The following MYLK variants were observed in gnomAD, a reference collection of about 807,000 sequenced individuals.
MYLK encodes myosin light chain kinase, smooth muscle.
Under a neutral mutation model 203.4 loss-of-function variants are expected in MYLK, and 106 were observed. The observed-to-expected ratio is 0.52, with a 90% CI of 0.45 to 0.61. MYLK has a LOEUF of 0.61. MYLK is among the 20% of genes least tolerant of loss of function. The pLI is 0.00. For missense variants in MYLK, 2,072 were observed against 2,442.3 expected, an observed-to-expected ratio of 0.85 and a Z score of 3.20; for synonymous variants, 867 against 959.5, an observed-to-expected ratio of 0.90 and a Z score of 1.78.
At position 123,648,844 on chromosome 3, in the gene MYLK, C is replaced by CAA; in HGVS notation, c.4415+126_4415+127insTT. 2 of 804,390 alleles carry CAA rather than the reference C, an allele frequency of 2.5e-6. No homozygotes were observed. Among genetic ancestry groups the CAA allele is most frequent in the African/African-American group, 1.7e-5 (1 of 59,790 alleles). The allele number at this position is 804,390 out of a possible 1,614,324, so 49.8% of individuals were successfully genotyped here. ...TCGTGGGTCAGTCCTTTGGATCCTG[C>CAA]AGGACTCTCAGTCTGGGGAGGAGGC... On this transcript the variant is annotated intron_variant, in intron 26 of 33. Transcript: ENST00000360304. The surrounding 1 kb of genome is among the most constrained non-coding windows in gnomAD (Gnocchi z 4.5).
rs764917874 is a variant in MYLK at position 123,712,444 on chromosome 3, C to T, written c.1805-2551G>A. ...GATGGGCTCAAATTCCTAGATGCTACGGGAACGTCACCAACTCCAGCGCAC... is the reference window on the plus strand; with the variant it reads ...GATGGGCTCAAATTCCTAGATGCTATGGGAACGTCACCAACTCCAGCGCAC... On this transcript the variant is annotated intron_variant, in intron 13 of 33. Coordinates refer to ENST00000360304, the MANE Select transcript of MYLK (RefSeq NM_053025.4). Among the ~76,000 whole-genome samples the T allele has an allele frequency of 5.3e-5, 8 of 152,340 alleles. No individual in the cohort carries two copies. In the East Asian group the frequency reaches 9.6e-4, roughly 18 times the overall value.
chr3:123,620,007 G>A (rs113592408), intron 32 of MYLK, among the ~76,000 whole-genome samples, 200 bp downstream of exon 32: 284 of 151,888 alleles, frequency 1.9e-3, no homozygotes, highest in Admixed American at 3.7e-3. Context: ...TCCGAAAATG[G>A]TTAAGCTTAA....
intron 4 of MYLK, among the ~76,000 whole-genome samples, chr3:123,776,366 G>C (rs2064078505): frequency 6.6e-6 from 1 of 152,202 alleles, no homozygotes; most frequent in Non-Finnish European, 1.5e-5. Flanking sequence ...AAGCCTCTTG[G>C]AAAGTACTTG....
At chr3:123,850,442 G>A (rs1206215573) in intron 2 of MYLK, among the ~76,000 whole-genome samples, 1 of 152,162 alleles carries the variant, frequency 6.6e-6, no homozygotes, top group African/African-American at 2.4e-5. Context: ...CATTCTAACT[G>A]GTGTGAGATG....
chr3:123,614,058 A>G lies in MYLK; in HGVS notation c.*47T>C, dbSNP rs2057327439. 9 of 1,599,050 alleles carry G rather than the reference A, an allele frequency of 5.6e-6. No individual in the cohort carries two copies. The highest frequency in any genetic ancestry group is 7.7e-6 in the Non-Finnish European group (9 of 1,172,482). On this transcript the variant is annotated 3_prime_UTR_variant, in exon 34 of 34. Transcript: ENST00000360304. Reference sequence around the variant, plus strand: ...TTTTTTTTTTTTGAGTTTTAGAGAAATAGTCCTTTTAATATGACTTAGAAA... The same window carrying G: ...TTTTTTTTTTTTGAGTTTTAGAGAAGTAGTCCTTTTAATATGACTTAGAAA...
intron 5 of MYLK, among the ~76,000 whole-genome samples, chr3:123,745,080 CT>C (rs1478018655): frequency 6.6e-6 from 1 of 151,972 alleles, no homozygotes; most frequent in African/African-American, 2.4e-5. Flanking sequence ...AGCTTCATTC[CT>C]TTTAATCTTC....
chr3:123,648,825 G>T lies in MYLK; in HGVS notation c.4415+146C>A. ...GGGTGAGTGAGTGATGCTTTCGTGG[G>T]TCAGTCCTTTGGATCCTGCAGGACT... On this transcript the variant is annotated intron_variant, in intron 26 of 33. Coordinates refer to ENST00000360304, the MANE Select transcript of MYLK (RefSeq NM_053025.4). This position sits in a 1 kb window ranked among gnomAD's most constrained non-coding sequence, Gnocchi z 4.5. 1.3e-6 allele frequency: 1 copy of T among 741,542 alleles called. No individual in the cohort carries two copies. Among genetic ancestry groups the T allele is most frequent in the Non-Finnish European group, 2.4e-6 (1 of 420,796 alleles). 45.9% of individuals were successfully genotyped at this position (741,542 alleles called of 1,614,324 possible). A position where few individuals can be genotyped will look rare whatever the true frequency, so the allele number is the denominator to read the frequency against.
intron 23 of MYLK, 97 bp downstream of exon 23, chr3:123,664,008 T>C: frequency 1.3e-6 from 2 of 1,536,208 alleles, no homozygotes; most frequent in Non-Finnish European, 1.8e-6. Context: ...TGGTGAGAGA[T>C]AATGGGTGAT....
intron 18 of MYLK, among the ~76,000 whole-genome samples, chr3:123,699,208 C>T (rs2061066084): frequency 6.6e-6 from 1 of 152,098 alleles, no homozygotes; most frequent in African/African-American, 2.4e-5. Context: ...AAAAGCACTT[C>T]AAACCAAATT....
In MYLK at chr3:123,667,205, A is replaced by C; in HGVS notation, c.3653-18T>G. ...CGCATCACCTGAAACAAAGAAGTTCACAAGTTATTTCCTGTAGTTCTGTTT... is the reference window on the plus strand; with the variant it reads ...CGCATCACCTGAAACAAAGAAGTTCCCAAGTTATTTCCTGTAGTTCTGTTT... On this transcript the variant is annotated intron_variant, in intron 20 of 33. Coordinates refer to ENST00000360304, the MANE Select transcript of MYLK (RefSeq NM_053025.4). 6.2e-7 allele frequency: 1 copy of C among 1,613,754 alleles called. No homozygotes were observed. The highest frequency in any genetic ancestry group is 8.5e-7 in the Non-Finnish European group (1 of 1,179,636).
Position 123,700,752 on chromosome 3 carries a change from T to G in MYLK, c.2716A>C (p.Ser906Arg). 6.2e-7 allele frequency: 1 copy of G among 1,614,234 alleles called. No individual in the cohort carries two copies. The highest frequency in any genetic ancestry group is 8.5e-7 in the Non-Finnish European group (1 of 1,180,040). Residue 906 changes from serine (S) to arginine (R), a missense_variant, in exon 18 of 34, where the codon AGT (serine) becomes CGT (arginine). This residue lies in a region of MYLK where 865 missense variants were observed against 1,016.0 expected (regional missense o/e 0.85). Coordinates refer to ENST00000360304, the MANE Select transcript of MYLK (RefSeq NM_053025.4). ...DFRDLLGKKV[S>R]TKTLSEDDLK... ...TCGTCTTCCGATAGGGTCTTTGTACTCACCTTCTTCCCCAGGAGGTCTCGG... is the reference window on the plus strand; with the variant it reads ...TCGTCTTCCGATAGGGTCTTTGTACGCACCTTCTTCCCCAGGAGGTCTCGG...
chr3:123,842,252 CA>C lies in MYLK; in HGVS notation c.-126-10583del, dbSNP rs565174313. 9.3e-4 allele frequency among the ~76,000 whole-genome samples: 141 copies of C among 151,886 alleles called. 1 individual carries two copies. The highest frequency in any genetic ancestry group is 7.1e-3 in the South Asian group (34 of 4,812). ...TTGGAATAAGTAAATTAATATCAGACAAAAGACTTTAATATAATTAATCAGA... is the reference window on the plus strand; with the variant it reads ...TTGGAATAAGTAAATTAATATCAGACAAAGACTTTAATATAATTAATCAGA... On this transcript the variant is annotated intron_variant, in intron 2 of 33. Transcript: ENST00000360304.
intron 3 of MYLK, among the ~76,000 whole-genome samples, chr3:123,805,189 A>G (rs6797095): frequency 0.45 from 68,553 of 152,044 alleles, 18,789 homozygotes; most frequent in Non-Finnish European, 0.64. Context: ...TGACACAGCA[A>G]AGGAGAATGA....
At chr3:123,664,291 C>G in intron 22 of MYLK, 33 bp from the exon 23 acceptor site, 1 of 1,614,078 alleles carries the variant, frequency 6.2e-7, no homozygotes, top group Non-Finnish European at 8.5e-7. Context: ...GTGCTGGAGC[C>G]TTGGGCCCCT....
At chr3:123,702,380 C>G (rs756978314) in intron 16 of MYLK, among the ~76,000 whole-genome samples, 7 of 152,230 alleles carry the variant, frequency 4.6e-5, no homozygotes, top group African/African-American at 1.7e-4. Flanking sequence ...TTTCATACAG[C>G]ACCCTCCAGC....
In MYLK at chr3:123,629,298, C is replaced by CA. The variant is rs568955778; in HGVS notation, c.5114+175dup. ...GGCAGGGCCTAGGAAGTCGCCTCCC[C>CA]AACCCACATGCATTCGGGTCTCTTA... On this transcript the variant is annotated intron_variant, in intron 30 of 33. Transcript: ENST00000360304. This position sits in a 1 kb window ranked among gnomAD's most constrained non-coding sequence, Gnocchi z 4.4. Among the ~76,000 whole-genome samples the CA allele has an allele frequency of 7.2e-5, 11 of 152,258 alleles. No homozygotes were observed. The highest frequency in any genetic ancestry group is 2.2e-4 in the African/African-American group (9 of 41,560).
chr3:123,739,006 G>C lies in MYLK; in HGVS notation c.479C>G (p.Pro160Arg), dbSNP rs111256888. The change falls in exon 7 of 34, where the codon CCA (proline) becomes CGA (arginine). Residue 160 changes from proline to arginine, a missense_variant. By Grantham distance (103) the Pro-to-Arg change is moderately radical. Around this residue, in one of 3 missense-constraint regions of MYLK, gnomAD observed 683 missense variants for 643.8 expected, o/e 1.06. Coordinates refer to ENST00000360304, the MANE Select transcript of MYLK (RefSeq NM_053025.4). ...ETRPSIWGEC[P>R]PKFATKLGRV... ...GCCCAGCTTGGTAGCAAACTTTGGT[G>C]GGCACTCCCCCCAGATGCTAGGACG... The C allele has an allele frequency of 7.4e-4, 1,195 of 1,613,754 alleles. 19 individuals carry two copies. In the African/African-American group the frequency reaches 0.014, roughly 20 times the overall value.
Position 123,709,695 on chromosome 3 carries a change from T to A in MYLK, c.1942+61A>T. 3 of 1,607,488 alleles carry A rather than the reference T, an allele frequency of 1.9e-6. No individual in the cohort carries two copies. In the East Asian group the frequency reaches 6.7e-5, roughly 36 times the overall value. ...ATCTGAGCGGGTCCTCGGAGAGCAA[T>A]ACCCATTGCAACCAAGACCATTTTC... On this transcript the variant is annotated intron_variant, in intron 14 of 33. Coordinates refer to ENST00000360304, the MANE Select transcript of MYLK (RefSeq NM_053025.4).
At chr3:123,876,825 C>G (rs762555048) in intron 1 of MYLK, among the ~76,000 whole-genome samples, 2 of 152,144 alleles carry the variant, frequency 1.3e-5, no homozygotes, top group Non-Finnish European at 2.9e-5. Context: ...GGAACCACTG[C>G]TATGAGGAAA....
Sources: gnomAD v4.1 joint callset for allele counts (sites outside exome capture counted in the v4.1 genomes callset) on GRCh38, gnomAD v4.1.1 for gene constraint, gnomAD v4.1.1 regional missense constraint, Gnocchi (gnomAD v3.1) non-coding constraint, MANE v1.5 for transcripts, NCBI Gene and HGNC (gene_info 2026-07-23, HGNC 2026-07-21) for gene names.